Variants in TMEM132B observed in about 807,000 individuals in gnomAD.
TMEM132B encodes transmembrane protein 132B.
TMEM132B carries 18 observed loss-of-function variants against 90.8 expected under a neutral mutation model. The ratio of observed to expected loss-of-function variants is 0.20; its 90% CI spans 0.14 to 0.29. The LOEUF (loss-of-function observed/expected upper bound fraction) is 0.29. Ranked by LOEUF, TMEM132B falls within the 10% of genes least tolerant of loss-of-function variation. The pLI is 1.00. For missense variants in TMEM132B, 1,096 were observed against 1,326.8 expected (o/e 0.83, Z 2.70); for synonymous variants, 504 against 523.3 (o/e 0.96, Z 0.50).
intron 1 of TMEM132B, among the ~76,000 whole-genome samples, chr12:125,245,596 G>A (rs534725442): frequency 9.9e-5 from 15 of 152,248 alleles, no homozygotes; most frequent in South Asian, 2.1e-4. Flanking sequence ...GCTGCTCCCC[G>A]GCAGGAAACA....
At chr12:125,610,439 A>G (rs1474403493) in intron 5 of TMEM132B, among the ~76,000 whole-genome samples, 1 of 151,996 alleles carries the variant, frequency 6.6e-6, no homozygotes, top group Non-Finnish European at 1.5e-5. Flanking sequence ...TAGTTTGTTG[A>G]TAGTTTTTAA....
At chr12:125,465,512 C>A (rs894373160) in intron 3 of TMEM132B, among the ~76,000 whole-genome samples, 2 of 152,134 alleles carry the variant, frequency 1.3e-5, no homozygotes, top group African/African-American at 4.8e-5. Context: ...CAACTCAATC[C>A]ACTGCTAAAG....
chr12:125,341,357 G>A (rs149649329), intron 1 of TMEM132B, among the ~76,000 whole-genome samples: 108 of 152,218 alleles, frequency 7.1e-4, no homozygotes, highest in African/African-American at 2.4e-3. Context: ...TGCTTAGAAT[G>A]GTGTTTGATC....
At chr12:125,303,712 G>T (rs1431653960) in intron 1 of TMEM132B, among the ~76,000 whole-genome samples, 1 of 152,146 alleles carries the variant, frequency 6.6e-6, no homozygotes, top group Non-Finnish European at 1.5e-5. Flanking sequence ...TTGTGGCTTT[G>T]ATTTGCATTT....
intron 2 of TMEM132B, among the ~76,000 whole-genome samples, chr12:125,402,370 A>G (rs1471216084): frequency 6.6e-6 from 1 of 152,132 alleles, no homozygotes; most frequent in Non-Finnish European, 1.5e-5. Flanking sequence ...TTGTATTTTT[A>G]GTAGAGACAG....
chr12:125,468,739 C>G (rs1264064379), intron 3 of TMEM132B, among the ~76,000 whole-genome samples: 3 of 152,130 alleles, frequency 2.0e-5, no homozygotes, highest in Non-Finnish European at 4.4e-5. Context: ...CATGGGATGT[C>G]TTTCCATTTA....
intron 2 of TMEM132B, among the ~76,000 whole-genome samples, chr12:125,355,989 G>C (rs1877758850): frequency 6.6e-6 from 1 of 152,132 alleles, no homozygotes; most frequent in African/African-American, 2.4e-5. Context: ...ATCAAGTGGG[G>C]TTTGGAGGGG....
At chr12:125,478,102 C>T (rs541342702) in intron 3 of TMEM132B, among the ~76,000 whole-genome samples, 3 of 152,252 alleles carry the variant, frequency 2.0e-5, no homozygotes, top group Non-Finnish European at 4.4e-5. Context: ...ACCAAAACCC[C>T]ATCTGTAGGT....
In TMEM132B at chr12:125,573,914, G is replaced by A. The variant is rs202115055; in HGVS notation, c.1294-9937G>A. 6.8e-4 allele frequency among the ~76,000 whole-genome samples: 104 copies of A among 152,244 alleles called. 1 individual carries two copies. In the East Asian group the frequency reaches 7.5e-3, roughly 11 times the overall value. On this transcript the variant is annotated intron_variant, in intron 4 of 8. Coordinates refer to ENST00000682704, the MANE Select transcript of TMEM132B (RefSeq NM_001366854.1). ...TGGAAAAAAAATTTTTTATAGCTAAGAAAATGGAAGTACTCCAACTTCTTT... is the reference window on the plus strand; with the variant it reads ...TGGAAAAAAAATTTTTTATAGCTAAAAAAATGGAAGTACTCCAACTTCTTT...
chr12:125,224,497 A>C (rs1381761079), intron 1 of TMEM132B, among the ~76,000 whole-genome samples: 1 of 152,230 alleles, frequency 6.6e-6, no homozygotes, highest in Non-Finnish European at 1.5e-5. Flanking sequence ...ACCACTGTGC[A>C]GTGCTGAAGC....
chr12:125,261,592 TC>T (rs1874569411), intron 1 of TMEM132B, among the ~76,000 whole-genome samples: 1 of 152,202 alleles, frequency 6.6e-6, no homozygotes, highest in South Asian at 2.1e-4. Context: ...TATTCCGTGC[TC>T]CACAAGTGCA....
At chr12:125,253,880 T>A (rs968237872) in intron 1 of TMEM132B, among the ~76,000 whole-genome samples, 3 of 152,232 alleles carry the variant, frequency 2.0e-5, no homozygotes, top group Admixed American at 6.5e-5. Flanking sequence ...GGTCTGACTT[T>A]GGCATTTGCA....
At chr12:125,493,947 C>T (rs1470958920) in intron 3 of TMEM132B, among the ~76,000 whole-genome samples, 12 of 144,410 alleles carry the variant, frequency 8.3e-5, no homozygotes, top group Non-Finnish European at 1.5e-4. Context: ...TTCCTCCTCC[C>T]CCTCCTCCCT....
chr12:125,404,901 T>C (rs1185047171), intron 2 of TMEM132B, among the ~76,000 whole-genome samples: 1 of 152,212 alleles, frequency 6.6e-6, no homozygotes, highest in Admixed American at 6.5e-5. Context: ...TTTGTTTATA[T>C]GTAAGCCACT....
At chr12:125,553,551 G>A (rs146884821) in intron 4 of TMEM132B, among the ~76,000 whole-genome samples, 1 of 152,324 alleles carries the variant, frequency 6.6e-6, no homozygotes, top group African/African-American at 2.4e-5. Context: ...AAGTTGGATA[G>A]TTCACATTGG....
At chr12:125,623,506 A>G (rs886559042) in intron 5 of TMEM132B, among the ~76,000 whole-genome samples, 14 of 151,982 alleles carry the variant, frequency 9.2e-5, no homozygotes, top group Admixed American at 4.6e-4. Context: ...TGCTGGTGCC[A>G]TCTAATAGGG....
At position 125,580,466 on chromosome 12, in the gene TMEM132B, G is replaced by A. The variant is rs149258956; in HGVS notation, c.1294-3385G>A. Among the ~76,000 whole-genome samples, 40 of 152,268 alleles carry A rather than the reference G, an allele frequency of 2.6e-4. No individual in the cohort carries two copies. The East Asian group carries it at 6.2e-3, about 24-fold the overall frequency. On this transcript the variant is annotated intron_variant, in intron 4 of 8. Coordinates refer to ENST00000682704, the MANE Select transcript of TMEM132B (RefSeq NM_001366854.1). ...AAGTCGATAAATGACTATTATTTGG[G>A]AATGAGGTTTTGAAAGATCTCCAGC...
intron 1 of TMEM132B, among the ~76,000 whole-genome samples, chr12:125,319,303 G>A (rs1876366757): frequency 6.6e-6 from 1 of 152,198 alleles, no homozygotes; most frequent in Non-Finnish European, 1.5e-5. Flanking sequence ...ATAGTGAACA[G>A]TCATTCCATC....
At chr12:125,254,017 C>T (rs1463664882) in intron 1 of TMEM132B, among the ~76,000 whole-genome samples, 5 of 152,086 alleles carry the variant, frequency 3.3e-5, no homozygotes, top group Non-Finnish European at 5.9e-5. Context: ...AGACTGGGCG[C>T]GGTGGCTCAT....
Sources: allele counts gnomAD v4.1 joint callset (sites outside exome capture counted in the v4.1 genomes callset), GRCh38; gene constraint gnomAD v4.1.1; transcripts MANE v1.5; gene names NCBI Gene and HGNC (gene_info 2026-07-23, HGNC 2026-07-21).